The following HAAO variants were observed in gnomAD, a reference collection of about 807,000 sequenced individuals.
HAAO encodes the protein 3-hydroxyanthranilate 3,4-dioxygenase, also known as 3-hydroxyanthranilate oxygenase.
HAAO carries 49 observed loss-of-function variants against 46.2 expected under a neutral mutation model. That is an observed-to-expected ratio of 1.06 (90% CI 0.84 to 1.34). HAAO has a LOEUF of 1.34. Among genes scored for constraint, HAAO ranks in the 40% most tolerant of loss-of-function variants. The probability of loss-of-function intolerance (pLI) is 0.00; values close to 1 mark genes in which losing one functional copy is unlikely to be tolerated. For missense variants in HAAO, 408 were observed against 364.5 expected, an observed-to-expected ratio of 1.12 and a Z score of -0.97; for synonymous variants, 157 against 145.2, an observed-to-expected ratio of 1.08 and a Z score of -0.58.
At chr2:42,776,922 G>A (rs62145488) in intron 4 of HAAO, among the ~76,000 whole-genome samples, 28,310 of 151,534 alleles carry the variant, frequency 0.19, 2,994 homozygotes, top group Non-Finnish European at 0.25. Flanking sequence ...CTGAGCCACC[G>A]TGTCCGGCGA....
intron 8 of HAAO, 67 bp downstream of exon 8, chr2:42,767,793 G>A (rs1238190463): frequency 1.3e-6 from 2 of 1,571,938 alleles, no homozygotes; most frequent in Non-Finnish European, 8.8e-7. Context: ...TGGGAGCCCA[G>A]GGCCGAGGAG....
chr2:42,770,355 T>C, intron 5 of HAAO, 138 bp downstream of exon 5: 1 of 868,558 alleles, frequency 1.2e-6, no homozygotes, highest in Non-Finnish European at 1.8e-6. Flanking sequence ...GGGCTGCTGC[T>C]CCCCCCTCCC....
intron 4 of HAAO, among the ~76,000 whole-genome samples, chr2:42,778,264 T>C (rs113531661): frequency 2.6e-5 from 4 of 152,232 alleles, no homozygotes; most frequent in Non-Finnish European, 4.4e-5. Context: ...TGTATGTGCT[T>C]TTAATGTCCT....
At chr2:42,780,901 AC>A (rs1671940288) in intron 4 of HAAO, among the ~76,000 whole-genome samples, 1 of 106,902 alleles carries the variant, frequency 9.4e-6, no homozygotes, top group African/African-American at 3.9e-5. Context: ...CCCTGTCTCT[AC>A]TAAAAATACA....
chr2:42,777,256 T>C (rs1327175843), intron 4 of HAAO, among the ~76,000 whole-genome samples: 3 of 143,512 alleles, frequency 2.1e-5, no homozygotes, highest in African/African-American at 7.9e-5. Flanking sequence ...TGAGCCAAGA[T>C]TGTGCCACTG....
chr2:42,789,999 T>C (rs1672668229), intron 1 of HAAO, among the ~76,000 whole-genome samples: 1 of 152,144 alleles, frequency 6.6e-6, no homozygotes, highest in African/African-American at 2.4e-5. Flanking sequence ...CTGGGACCAT[T>C]TGTACACACA....
chr2:42,775,282 G>C (rs1360283600), intron 4 of HAAO, among the ~76,000 whole-genome samples: 1 of 151,440 alleles, frequency 6.6e-6, no homozygotes, highest in Non-Finnish European at 1.5e-5. Context: ...TTGTCTGGTG[G>C]GGGGAGAAAA....
rs747340924 is a variant in HAAO, at chr2:42,767,717, G to A, written c.700-40C>T. ...CAGGAGAATCAAATGGAGACTGTTGGGCCTCATCACCTGGGTGAATGTCTG... is the reference window on the plus strand; with the variant it reads ...CAGGAGAATCAAATGGAGACTGTTGAGCCTCATCACCTGGGTGAATGTCTG... On this transcript the variant is annotated intron_variant, in intron 8 of 9. Coordinates refer to ENST00000294973, the MANE Select transcript of HAAO (RefSeq NM_012205.3). 7 of 1,552,114 alleles carry A rather than the reference G, an allele frequency of 4.5e-6. No homozygotes were observed. The Admixed American group carries it at 5.3e-5, about 12-fold the overall frequency.
At chr2:42,776,231 CTTTTTT>C (rs57398023) in intron 4 of HAAO, among the ~76,000 whole-genome samples, 1 of 71,200 alleles carries the variant, frequency 1.4e-5, no homozygotes, top group Non-Finnish European at 2.5e-5. Context: ...TGGCATCCAT[CTTTTTT>C]TTTTTTTTTT....
At chr2:42,783,662 G>C in intron 3 of HAAO, 122 bp downstream of exon 3, 2 of 844,662 alleles carry the variant, frequency 2.4e-6, no homozygotes, top group Non-Finnish European at 3.9e-6. Flanking sequence ...GCAGGGGAAG[G>C]TGTGGGAGAG....
At chr2:42,770,631 T>G (rs1671043462) in intron 4 of HAAO, 49 bp from the exon 5 acceptor site, 1 of 1,294,936 alleles carries the variant, frequency 7.7e-7, no homozygotes. Flanking sequence ...CTGGGTGGCT[T>G]CAGGGCAGCC....
At chr2:42,778,127 A>T (rs1011343896) in intron 4 of HAAO, among the ~76,000 whole-genome samples, 22 of 86,912 alleles carry the variant, frequency 2.5e-4, no homozygotes, top group South Asian at 1.6e-3. Context: ...GGATTTATTT[A>T]AAAAAAAAAC....
At chr2:42,767,569 A>G in intron 9 of HAAO, 26 bp downstream of exon 9, 1 of 1,587,218 alleles carries the variant, frequency 6.3e-7, no homozygotes, top group Non-Finnish European at 8.6e-7. Flanking sequence ...TGAGGATCCC[A>G]GGGAAAGCCC....
Position 42,792,474 on chromosome 2 carries a change from C to A in HAAO, c.63G>T (p.Pro21=). The A allele has an allele frequency of 6.3e-7, 1 of 1,587,980 alleles. No homozygotes were observed. Among genetic ancestry groups the A allele is most frequent in the Non-Finnish European group, 8.6e-7 (1 of 1,167,668 alleles). Reference sequence around the variant, plus strand: ...GGACTCACATGAGCTTGTTGCAGACCGGGGGCTGGAAGGAGCCCCGGTTCT... The same window carrying A: ...GGACTCACATGAGCTTGTTGCAGACAGGGGGCTGGAAGGAGCCCCGGTTCT... ...VKENRGSFQP[P]VCNKLMHQEQ... is the part of the protein sequence containing the mutation. The change falls in exon 1 of 10, where the codon CCG becomes CCT. Residue 21 remains proline (P), a synonymous_variant. Transcript: ENST00000294973.
chr2:42,788,538 C>T lies in HAAO; in HGVS notation c.150G>A (p.Glu50=), dbSNP rs373632713. ...PNTRKDYHIE[E]GEEVFYQLEG... Reference sequence around the variant, plus strand: ...GACCAGTCAAACCTACCTCTTCACCCTCTTCGATGTGATAGTCCTTCCTGG... The same window carrying T: ...GACCAGTCAAACCTACCTCTTCACCTTCTTCGATGTGATAGTCCTTCCTGG... Residue 50 remains glutamate (E), a synonymous_variant, in exon 2 of 10, where the codon GAG becomes GAA. Transcript: ENST00000294973. 1.1e-5 allele frequency: 17 copies of T among 1,601,806 alleles called. No homozygotes were observed. The East Asian group carries it at 3.1e-4, about 29-fold the overall frequency.
chr2:42,775,689 GCTGCATGAGGGAC>G (rs1276070953), intron 4 of HAAO, among the ~76,000 whole-genome samples: 1 of 151,412 alleles, frequency 6.6e-6, no homozygotes, highest in Non-Finnish European at 1.5e-5. Context: ...TGCACCCTCT[GCTGCATGAGGGAC>G]CTAAAATAGT....
At chr2:42,786,006 C>CCT (rs1343850650) in intron 2 of HAAO, among the ~76,000 whole-genome samples, 102 of 126,748 alleles carry the variant, frequency 8.0e-4, no homozygotes, top group Middle Eastern at 4.4e-3. Context: ...TGGGAGGAAG[C>CCT]CTCTGTGTGT....
intron 4 of HAAO, among the ~76,000 whole-genome samples, chr2:42,772,644 T>C (rs1671225950): frequency 6.6e-6 from 1 of 152,196 alleles, no homozygotes; most frequent in Admixed American, 6.5e-5. Context: ...TCTTGAGATA[T>C]AATTCACATA....
At chr2:42,781,595 A>G (rs1345741877) in intron 4 of HAAO, among the ~76,000 whole-genome samples, 1 of 152,180 alleles carries the variant, frequency 6.6e-6, no homozygotes, top group African/African-American at 2.4e-5. Context: ...ATTCTTGGCC[A>G]GGTGTGGTGG....
Sources: gnomAD v4.1 joint callset for allele counts (sites outside exome capture counted in the v4.1 genomes callset) on GRCh38, gnomAD v4.1.1 for gene constraint, MANE v1.5 for transcripts, NCBI Gene and HGNC (gene_info 2026-07-23, HGNC 2026-07-21) for gene names.